PDE11A: variants seen among roughly 807,000 people sequenced by gnomAD.
PDE11A encodes the protein dual 3',5'-cyclic-AMP and -GMP phosphodiesterase 11A.
PDE11A carries 100 observed loss-of-function variants against 100.5 expected under a neutral mutation model. The observed-to-expected ratio is 1.00, with a 90% CI of 0.85 to 1.18. The LOEUF (loss-of-function observed/expected upper bound fraction) is 1.18. PDE11A is among the 50% of genes most tolerant of loss of function. The pLI is 0.00. For synonymous variants in PDE11A, 381 were observed against 420.8 expected, an observed-to-expected ratio of 0.91 and a Z score of 1.16; for missense variants, 1,141 against 1,152.6, an observed-to-expected ratio of 0.99 and a Z score of 0.15.
chr2:178,093,550 A>G (rs1340102613), intron 2 of PDE11A, among the ~76,000 whole-genome samples: 1 of 152,220 alleles, frequency 6.6e-6, no homozygotes, highest in Admixed American at 6.5e-5. Context: ...ACATGGAGAA[A>G]GAGAAACAGA....
intron 2 of PDE11A, among the ~76,000 whole-genome samples, chr2:177,986,053 TAGAGTA>T (rs1293249797): frequency 6.6e-6 from 1 of 152,140 alleles, no homozygotes; most frequent in Non-Finnish European, 1.5e-5. Context: ...TGTCCAAAAG[TAGAGTA>T]AGATTAACCC....
intron 2 of PDE11A, among the ~76,000 whole-genome samples, chr2:178,094,027 A>G (rs1192673519): frequency 6.6e-6 from 1 of 152,220 alleles, no homozygotes; most frequent in East Asian, 1.9e-4. Flanking sequence ...GAAGACATCA[A>G]AACTAACTGG....
In PDE11A at chr2:178,012,035, T is replaced by C. The variant is rs77850939; in HGVS notation, c.1071+2267A>G. ...CCTTTTCTGTTTGGTTTGCAATATA[T>C]AGGATCCTTTCAGGAAATAACAATA... On this transcript the variant is annotated intron_variant, in intron 2 of 19. Transcript: ENST00000286063. 4 of 152,308 alleles carry C rather than the reference T, an allele frequency of 2.6e-5. No homozygotes were observed. In the East Asian group the frequency reaches 7.7e-4, roughly 29 times the overall value. The allele number at this position is 152,308 out of a possible 1,614,324, so 9.4% of individuals were successfully genotyped here.
In PDE11A at chr2:178,047,830, A is replaced by C. The variant is rs575123333; in HGVS notation, c.912+23696T>G. Among the ~76,000 whole-genome samples, 7 of 152,280 alleles carry C rather than the reference A, an allele frequency of 4.6e-5. No homozygotes were observed. In the South Asian group the frequency reaches 1.5e-3, roughly 32 times the overall value. On this transcript the variant is annotated intron_variant, in intron 1 of 19. Coordinates refer to ENST00000286063, the MANE Select transcript of PDE11A (RefSeq NM_016953.4). ...GTCATTTTCCTAACCCCCCCATGTT[A>C]TATATGGAGATTCTGAGGGCCAGAG...
intron 2 of PDE11A, among the ~76,000 whole-genome samples, chr2:177,956,152 C>G (rs1020795955): frequency 2.6e-5 from 4 of 151,992 alleles, no homozygotes; most frequent in African/African-American, 9.7e-5. Context: ...ATTTTCGCAA[C>G]CTACTCATCT....
At chr2:177,923,009 CT>C (rs1312470890) in intron 2 of PDE11A, among the ~76,000 whole-genome samples, 18 of 151,870 alleles carry the variant, frequency 1.2e-4, no homozygotes, top group African/African-American at 4.3e-4. Flanking sequence ...TCTTTCTGGA[CT>C]TTTCGATTTG....
intron 2 of PDE11A, among the ~76,000 whole-genome samples, chr2:177,931,038 A>G (rs921696668): frequency 2.0e-5 from 3 of 152,234 alleles, no homozygotes; most frequent in Admixed American, 6.5e-5. Context: ...CAACAAGAAC[A>G]TCTTTTTGTT....
intron 10 of PDE11A, among the ~76,000 whole-genome samples, chr2:177,751,174 A>C (rs780770652): frequency 5.9e-5 from 9 of 151,648 alleles, no homozygotes; most frequent in Non-Finnish European, 1.2e-4. Flanking sequence ...TCTGAGAAAG[A>C]AGCTTTTCCT....
chr2:177,892,379 T>C (rs1043597214), intron 4 of PDE11A, among the ~76,000 whole-genome samples: 2 of 152,230 alleles, frequency 1.3e-5, no homozygotes, highest in African/African-American at 4.8e-5. Flanking sequence ...CTAATTGTTA[T>C]ATATGTGGAT....
Position 177,813,830 on chromosome 2 carries a change from AC to A in PDE11A, c.1737+2998del, listed in dbSNP as rs777101215. On this transcript the variant is annotated intron_variant, in intron 9 of 19. Coordinates refer to ENST00000286063, the MANE Select transcript of PDE11A (RefSeq NM_016953.4). ...TTATTTCCCTCCACTCTTGTTGCTA[AC>A]CGGAAAAAAAAAAAGACACTGCAAT... Among the ~76,000 whole-genome samples, 269 of 144,790 alleles carry A rather than the reference AC, an allele frequency of 1.9e-3. 1 individual carries two copies. Among genetic ancestry groups the A allele is most frequent in the African/African-American group, 4.7e-3 (178 of 37,920 alleles). The allele number at this position is 144,790 out of a possible 152,430, so 95.0% of individuals were successfully genotyped here.
chr2:178,014,172 T>C (rs111556189), intron 2 of PDE11A, 130 bp downstream of exon 2: 4 of 700,346 alleles, frequency 5.7e-6, no homozygotes, highest in African/African-American at 1.8e-5. Flanking sequence ...TTGTATACCA[T>C]GAGAAAAAGC....
intron 2 of PDE11A, among the ~76,000 whole-genome samples, chr2:177,916,104 C>T (rs1364710188): frequency 6.6e-6 from 1 of 152,172 alleles, no homozygotes; most frequent in African/African-American, 2.4e-5. Context: ...CTATACACCC[C>T]TATTTAATCT....
intron 19 of PDE11A, among the ~76,000 whole-genome samples, chr2:177,659,262 A>G (rs67697721): frequency 0.041 from 755 of 18,314 alleles, 5 homozygotes; most frequent in Admixed American, 0.1. Context: ...ATTCTATCTC[A>G]GGGGGAAAAA....
rs1180128048 is a variant in PDE11A at position 177,701,143 on chromosome 2, G to C, written c.2222C>G (p.Ala741Gly). Residue 741 changes from alanine to glycine, a missense_variant, in exon 14 of 20, where the codon GCC (alanine) becomes GGC (glycine). Ala to Gly is a moderately conservative substitution (Grantham distance 60). Transcript: ENST00000286063. ...TACCTCACTTTGAAGGATCATCACG[G>C]CGTGGTTGAAATGGTGATGCTCCAA... Reference protein sequence around the residue: ...ATLEHHHFNHAVMILQSEGHN... With the variant: ...ATLEHHHFNHGVMILQSEGHN... 6.2e-7 allele frequency: 1 copy of C among 1,600,210 alleles called. No individual in the cohort carries two copies. Among genetic ancestry groups the C allele is most frequent in the South Asian group, 1.1e-5 (1 of 90,838 alleles).
intron 1 of PDE11A, among the ~76,000 whole-genome samples, chr2:178,038,551 A>G (rs2086644833): frequency 6.6e-6 from 1 of 152,176 alleles, no homozygotes. Context: ...AGAAAAAAGC[A>G]AATTCAATAG....
chr2:178,004,695 T>G (rs1304063461), intron 2 of PDE11A, among the ~76,000 whole-genome samples: 1 of 152,184 alleles, frequency 6.6e-6, no homozygotes. Context: ...AAAATACTGT[T>G]TCAAGTCCTG....
At chr2:177,654,057 A>G (rs2080346483) in intron 19 of PDE11A, among the ~76,000 whole-genome samples, 1 of 152,248 alleles carries the variant, frequency 6.6e-6, no homozygotes, top group South Asian at 2.1e-4. Context: ...TTTGAAAAAA[A>G]GAAATGCAAC....
At chr2:177,981,548 T>C (rs2085881902) in intron 2 of PDE11A, among the ~76,000 whole-genome samples, 2 of 150,664 alleles carry the variant, frequency 1.3e-5, no homozygotes, top group Non-Finnish European at 3.0e-5. Context: ...CCAAATTGAC[T>C]CTTTTTAAAG....
At chr2:177,847,907 G>A (rs1446782918) in intron 5 of PDE11A, among the ~76,000 whole-genome samples, 2 of 152,144 alleles carry the variant, frequency 1.3e-5, no homozygotes, top group African/African-American at 4.8e-5. Context: ...GAGTACTCAT[G>A]TACCAACTCA....
Sources: gnomAD v4.1 joint callset for allele counts (sites outside exome capture counted in the v4.1 genomes callset) on GRCh38, gnomAD v4.1.1 for gene constraint, MANE v1.5 for transcripts, NCBI Gene and HGNC (gene_info 2026-07-23, HGNC 2026-07-21) for gene names.